The following DNAJA2 variants were observed in gnomAD, a reference collection of about 807,000 sequenced individuals.
DNAJA2 encodes dnaJ homolog subfamily A member 2.
A neutral mutation model predicts 49.3 loss-of-function variants in DNAJA2; 6 were observed. The ratio of observed to expected loss-of-function variants is 0.12; its 90% CI spans 0.07 to 0.24. The LOEUF (loss-of-function observed/expected upper bound fraction) is 0.24. Ranked by LOEUF, DNAJA2 falls within the 10% of genes least tolerant of loss-of-function variation. The pLI is 1.00. For missense variants in DNAJA2, 347 were observed against 516.8 expected, an observed-to-expected ratio of 0.67 and a Z score of 3.19; for synonymous variants, 160 against 172.7, an observed-to-expected ratio of 0.93 and a Z score of 0.58.
At chr16:46,968,269 G>T in intron 3 of DNAJA2, 105 bp from the exon 4 acceptor site, 1 of 713,644 alleles carries the variant, frequency 1.4e-6, no homozygotes, top group Admixed American at 3.2e-5. Flanking sequence ...TTTTAAAACA[G>T]AATTCAAAAA....
intron 6 of DNAJA2, among the ~76,000 whole-genome samples, chr16:46,963,631 C>T (rs891847890): frequency 6.6e-6 from 1 of 151,860 alleles, no homozygotes; most frequent in Non-Finnish European, 1.5e-5. Flanking sequence ...GGCCCAGGGG[C>T]GAAGGTTGCA....
rs770020440 is a variant in DNAJA2 at position 46,968,211 on chromosome 16, C to G, written c.363-47G>C. The stretch of plus-strand genomic sequence containing the variant: ...TCAATCAAATTTTGCCACATTTTGT[C>G]AAATACAAGATATAAGTAACAGCTG... On this transcript the variant is annotated intron_variant, in intron 3 of 8. Coordinates refer to ENST00000317089, the MANE Select transcript of DNAJA2 (RefSeq NM_005880.4). 3 of 1,380,792 alleles carry G rather than the reference C, an allele frequency of 2.2e-6. No individual in the cohort carries two copies. The African/African-American group carries it at 4.4e-5, about 20-fold the overall frequency. The allele number at this position is 1,380,792 out of a possible 1,614,324, so 85.5% of individuals were successfully genotyped here.
rs1962092219 is a variant in DNAJA2, at chr16:46,973,639, G to A, written c.-67C>T. ...AGACAGAGCGGAGTCGGGCCCACAA[G>A]CGGCGTCGGCGGCGGCACAGGCCGA... On this transcript the variant is annotated 5_prime_UTR_variant, in exon 1 of 9. Transcript: ENST00000317089. 2 of 1,508,920 alleles carry A rather than the reference G, an allele frequency of 1.3e-6. No homozygotes were observed. The highest frequency in any genetic ancestry group is 1.4e-5 in the African/African-American group (1 of 70,228). 93.5% of individuals were successfully genotyped at this position (1,508,920 alleles called of 1,614,324 possible).
In DNAJA2 at chr16:46,973,671, C is replaced by G. The variant is rs967843454; in HGVS notation, c.-99G>C. 2 of 1,287,952 alleles carry G rather than the reference C, an allele frequency of 1.6e-6. No individual in the cohort carries two copies. The highest frequency in any genetic ancestry group is 3.0e-5 in the African/African-American group (2 of 65,602). The allele number at this position is 1,287,952 out of a possible 1,614,324, so 79.8% of individuals were successfully genotyped here. On this transcript the variant is annotated 5_prime_UTR_variant, in exon 1 of 9. Coordinates refer to ENST00000317089, the MANE Select transcript of DNAJA2 (RefSeq NM_005880.4). The stretch of plus-strand genomic sequence containing the variant: ...CGGCGGCGGCACAGGCCGAGGGAGA[C>G]AGCGAGGGGGAAGCGGGGGCGGGGC...
chr16:46,967,413 G>C, intron 5 of DNAJA2, 100 bp downstream of exon 5: 6 of 1,450,814 alleles, frequency 4.1e-6, no homozygotes, highest in Non-Finnish European at 5.6e-6. Context: ...TTAATAAGAT[G>C]TATACAAATA....
intron 6 of DNAJA2, among the ~76,000 whole-genome samples, chr16:46,960,555 C>T (rs930056973): frequency 1.3e-5 from 2 of 151,694 alleles, no homozygotes; most frequent in South Asian, 2.1e-4. Context: ...CCAAGGCAGG[C>T]GGATCACAAG....
rs564933576 is a variant in DNAJA2 at position 46,956,683 on chromosome 16, T to C, written c.*346A>G. On this transcript the variant is annotated 3_prime_UTR_variant, in exon 9 of 9. Transcript: ENST00000317089. Reference sequence around the variant, plus strand: ...AGGACAAATTGTACAAACTTTACAATGTGGGATTTAAATTTAAAATATGAA... The same window carrying C: ...AGGACAAATTGTACAAACTTTACAACGTGGGATTTAAATTTAAAATATGAA... The C allele has an allele frequency of 5.1e-6, 1 of 197,140 alleles. No homozygotes were observed. The highest frequency in any genetic ancestry group is 2.4e-5 in the African/African-American group (1 of 42,280). The allele number at this position is 197,140 out of a possible 1,614,324, so 12.2% of individuals were successfully genotyped here.
Position 46,957,165 on chromosome 16 carries a change from G to A in DNAJA2, c.1103C>T (p.Thr368Ile). 6.2e-7 allele frequency: 1 copy of A among 1,613,910 alleles called. No homozygotes were observed. The highest frequency in any genetic ancestry group is 8.5e-7 in the Non-Finnish European group (1 of 1,179,940). ...RPEVPNIIGE[T>I]EEVELQEFDS... ...AAATTCCTGAAGCTCTACCTCCTCT[G>A]TTTCTCCAATTATGTTAGGAACTTC... Residue 368 changes from threonine (T) to isoleucine (I), a missense_variant, in exon 9 of 9, where the codon ACA becomes ATA. Coordinates refer to ENST00000317089, the MANE Select transcript of DNAJA2 (RefSeq NM_005880.4).
At chr16:46,970,255 G>A (rs972273518) in intron 3 of DNAJA2, among the ~76,000 whole-genome samples, 2 of 152,324 alleles carry the variant, frequency 1.3e-5, no homozygotes, top group Admixed American at 6.5e-5. Context: ...CACAGTCTAA[G>A]ACCAAGGTCA....
At position 46,967,498 on chromosome 16, in the gene DNAJA2, T is replaced by C; in HGVS notation, c.577+15A>G. ...CCATTCCAACATAAAAGCAGAGAAGTACTGGCACACATACCTTCTCCATTA... is the reference window on the plus strand; with the variant it reads ...CCATTCCAACATAAAAGCAGAGAAGCACTGGCACACATACCTTCTCCATTA... On this transcript the variant is annotated intron_variant, in intron 5 of 8. Coordinates refer to ENST00000317089, the MANE Select transcript of DNAJA2 (RefSeq NM_005880.4). 1 of 1,613,844 alleles carries C rather than the reference T, an allele frequency of 6.2e-7. No individual in the cohort carries two copies. The highest frequency in any genetic ancestry group is 8.5e-7 in the Non-Finnish European group (1 of 1,179,906).
chr16:46,972,137 C>T (rs1962060899), intron 1 of DNAJA2, 182 bp from the exon 2 acceptor site: 1 of 574,124 alleles, frequency 1.7e-6, no homozygotes, highest in Non-Finnish European at 3.1e-6. Flanking sequence ...GTAATATAAC[C>T]AAGTAGACAG....
At chr16:46,961,367 G>A (rs1738391984) in intron 6 of DNAJA2, among the ~76,000 whole-genome samples, 1 of 151,824 alleles carries the variant, frequency 6.6e-6, no homozygotes, top group Non-Finnish European at 1.5e-5. Flanking sequence ...GTGACAGAGT[G>A]AGACCCCATT....
intron 3 of DNAJA2, among the ~76,000 whole-genome samples, chr16:46,970,516 G>T (rs1164524168): frequency 6.6e-6 from 1 of 152,122 alleles, no homozygotes; most frequent in African/African-American, 2.4e-5. Context: ...GATGAGGCAG[G>T]AAGATCACTT....
chr16:46,964,770 A>C lies in DNAJA2; in HGVS notation c.615T>G (p.Cys205Trp), dbSNP rs1456431922. 1 of 1,613,248 alleles carries C rather than the reference A, an allele frequency of 6.2e-7. No individual in the cohort carries two copies. Reference protein sequence around the residue: ...VINEKDRCKKCEGKKVIKEVK... With the variant: ...VINEKDRCKKWEGKKVIKEVK... ...CTTCTTTAATCACCTTCTTCCCTTC[A>C]CATTTTTTACAGCGGTCTTTTTCAT... The change falls in exon 6 of 9, where the codon TGT becomes TGG. Residue 205 changes from cysteine (C) to tryptophan (W), a missense_variant. Physicochemically the swap from Cys to Trp is radical, Grantham distance 215 (BLOSUM62 -2). Transcript: ENST00000317089.
At chr16:46,971,044 A>G (rs534814269) in intron 3 of DNAJA2, among the ~76,000 whole-genome samples, 2 of 151,886 alleles carry the variant, frequency 1.3e-5, no homozygotes, top group East Asian at 3.9e-4. Flanking sequence ...TCAAAAAAAA[A>G]AAAAGAGAGA....
intron 5 of DNAJA2, 35 bp from the exon 6 acceptor site, chr16:46,964,842 G>C: frequency 6.7e-7 from 1 of 1,490,162 alleles, no homozygotes; most frequent in South Asian, 1.2e-5. Flanking sequence ...TTCAGCAAGA[G>C]TACTATACTG....
intron 3 of DNAJA2, 56 bp from the exon 4 acceptor site, chr16:46,968,220 G>A (rs1962001299): frequency 7.9e-6 from 10 of 1,265,838 alleles, no homozygotes; most frequent in Non-Finnish European, 1.1e-5. Flanking sequence ...TCAAATACAA[G>A]ATATAAGTAA....
chr16:46,971,717 A>G, intron 2 of DNAJA2, 145 bp from the exon 3 acceptor site: 1 of 816,768 alleles, frequency 1.2e-6, no homozygotes, highest in African/African-American at 1.7e-5. Context: ...TCTATTTACC[A>G]CCCACCGCTC....
chr16:46,971,842 G>T, intron 2 of DNAJA2, 54 bp downstream of exon 2: 1 of 1,434,454 alleles, frequency 7.0e-7, no homozygotes, highest in Non-Finnish European at 9.8e-7. Flanking sequence ...TTCAAGGAGG[G>T]CAATTTAAGT....
Sources: gnomAD v4.1 joint callset for allele counts (sites outside exome capture counted in the v4.1 genomes callset) on GRCh38, gnomAD v4.1.1 for gene constraint, MANE v1.5 for transcripts, NCBI Gene and HGNC (gene_info 2026-07-23, HGNC 2026-07-21) for gene names.